The following SORCS2 variants were observed in gnomAD, a reference collection of about 807,000 sequenced individuals.
SORCS2 encodes sortilin related VPS10 domain containing receptor 2.
In SORCS2, 100 loss-of-function variants were observed where a neutral mutation model predicts 141.6. That is an observed-to-expected ratio of 0.71 (90% CI 0.60 to 0.83). The LOEUF (loss-of-function observed/expected upper bound fraction) is 0.83, where lower values mean the gene tolerates loss of function less well. SORCS2 is among the 40% of genes least tolerant of loss of function. The pLI is 0.00. For synonymous variants in SORCS2, 789 were observed against 676.9 expected (o/e 1.17, Z -2.57); for missense variants, 1,646 against 1,560.2 (o/e 1.05, Z -0.93).
At chr4:7,426,606 T>G (rs969369022) in intron 2 of SORCS2, among the ~76,000 whole-genome samples, 2 of 152,136 alleles carry the variant, frequency 1.3e-5, no homozygotes, top group Non-Finnish European at 2.9e-5. Context: ...ATCAGCCCGA[T>G]GGAAATAGCA....
chr4:7,326,635 C>T (rs1719279303), intron 1 of SORCS2, among the ~76,000 whole-genome samples: 1 of 151,998 alleles, frequency 6.6e-6, no homozygotes, highest in Non-Finnish European at 1.5e-5. Context: ...TCAGCAGGGA[C>T]CCCGGCCTGG....
At chr4:7,667,262 A>G in intron 8 of SORCS2, 49 bp downstream of exon 8, 1 of 1,544,300 alleles carries the variant, frequency 6.5e-7, no homozygotes, top group Non-Finnish European at 8.9e-7. Context: ...CCCTAAGCTT[A>G]TCCTGACTCA....
intron 2 of SORCS2, among the ~76,000 whole-genome samples, chr4:7,407,639 C>G (rs1164115483): frequency 6.6e-6 from 1 of 152,076 alleles, no homozygotes; most frequent in Non-Finnish European, 1.5e-5. Context: ...TTCAGCCACT[C>G]TATACCTTTT....
chr4:7,485,335 C>T (rs115728541), intron 2 of SORCS2, among the ~76,000 whole-genome samples: 180 of 152,364 alleles, frequency 1.2e-3, no homozygotes, highest in Non-Finnish European at 2.2e-3. Flanking sequence ...CCAGGCAGAG[C>T]CCCTGGGCCA....
At chr4:7,436,598 C>A (rs114729079) in intron 2 of SORCS2, among the ~76,000 whole-genome samples, 1 of 152,218 alleles carries the variant, frequency 6.6e-6, no homozygotes, top group African/African-American at 2.4e-5. Flanking sequence ...CTTCTTGGCT[C>A]GGCATTGTCT....
chr4:7,715,640 C>A (rs565861708), intron 17 of SORCS2, among the ~76,000 whole-genome samples: 6 of 152,348 alleles, frequency 3.9e-5, no homozygotes, highest in Admixed American at 1.3e-4. Context: ...CAGAAAAGGT[C>A]CAAGGTGCCC....
At chr4:7,243,933 C>T (rs1032604630) in intron 1 of SORCS2, among the ~76,000 whole-genome samples, 7 of 152,334 alleles carry the variant, frequency 4.6e-5, no homozygotes, top group Non-Finnish European at 8.8e-5. Flanking sequence ...GGTGGGATTC[C>T]GGTGGAGCTG....
At chr4:7,569,013 C>G (rs1423271270) in intron 3 of SORCS2, among the ~76,000 whole-genome samples, 1 of 152,202 alleles carries the variant, frequency 6.6e-6, no homozygotes, top group African/African-American at 2.4e-5. Flanking sequence ...CTCCTGCCAT[C>G]CTATCAGGGA....
At chr4:7,506,060 G>T (rs369366488) in intron 2 of SORCS2, among the ~76,000 whole-genome samples, 1 of 152,144 alleles carries the variant, frequency 6.6e-6, no homozygotes, top group Non-Finnish European at 1.5e-5. Flanking sequence ...CTCTATAGGG[G>T]CACTAATCTG....
At chr4:7,301,676 G>A (rs1185704552) in intron 1 of SORCS2, among the ~76,000 whole-genome samples, 3 of 152,224 alleles carry the variant, frequency 2.0e-5, no homozygotes, top group Non-Finnish European at 4.4e-5. Flanking sequence ...ACTGAGTGTC[G>A]TGAATCTTTG....
At chr4:7,389,774 GTGACAGA>G (rs2109095973) in intron 1 of SORCS2, among the ~76,000 whole-genome samples, 1 of 152,326 alleles carries the variant, frequency 6.6e-6, no homozygotes, top group East Asian at 1.9e-4. Flanking sequence ...TGCGGGGTGG[GTGACAGA>G]GTCAAGGCCG....
chr4:7,545,638 C>G (rs71601860), intron 3 of SORCS2, among the ~76,000 whole-genome samples: 20,369 of 152,138 alleles, frequency 0.13, 1,353 homozygotes, highest in Non-Finnish European at 0.15. Flanking sequence ...TTTGGACCCA[C>G]GACTCTCTGA....
chr4:7,327,898 C>T (rs530543618), intron 1 of SORCS2, among the ~76,000 whole-genome samples: 5 of 151,660 alleles, frequency 3.3e-5, no homozygotes, highest in Middle Eastern at 3.4e-3. Flanking sequence ...CTGTTCTTGT[C>T]CCCCTCCAGA....
intron 2 of SORCS2, among the ~76,000 whole-genome samples, chr4:7,529,176 C>T (rs1733874003): frequency 6.6e-6 from 1 of 152,168 alleles, no homozygotes; most frequent in Non-Finnish European, 1.5e-5. Flanking sequence ...TTTCCCCAGC[C>T]AGGCACAACC....
chr4:7,561,154 T>C (rs1338437980), intron 3 of SORCS2, among the ~76,000 whole-genome samples: 8 of 152,204 alleles, frequency 5.3e-5, no homozygotes, highest in Non-Finnish European at 8.8e-5. Context: ...CTACTCAGTA[T>C]AGATCTGGGC....
intron 1 of SORCS2, among the ~76,000 whole-genome samples, chr4:7,297,989 T>C (rs1717192335): frequency 6.6e-6 from 1 of 152,214 alleles, no homozygotes; most frequent in South Asian, 2.1e-4. Context: ...CAGGACCCTG[T>C]AGTTCTGTGC....
chr4:7,262,782 C>T (rs1577334127), intron 1 of SORCS2, among the ~76,000 whole-genome samples: 1 of 152,222 alleles, frequency 6.6e-6, no homozygotes, highest in Non-Finnish European at 1.5e-5. Flanking sequence ...CCTTTCCATG[C>T]CTCCTGGGTC....
chr4:7,486,327 G>GCAGTCCA (rs1730982487), intron 2 of SORCS2, among the ~76,000 whole-genome samples: 1 of 151,782 alleles, frequency 6.6e-6, no homozygotes, highest in African/African-American at 2.4e-5. Flanking sequence ...CCCGCAGGCC[G>GCAGTCCA]GCTGGGCCAC....
At chr4:7,397,586 C>G (rs2109116593) in intron 2 of SORCS2, among the ~76,000 whole-genome samples, 1 of 152,184 alleles carries the variant, frequency 6.6e-6, no homozygotes, top group East Asian at 1.9e-4. Context: ...GCCACGGCCC[C>G]CCGTTGCTTT....
Sources: allele counts gnomAD v4.1 joint callset (sites outside exome capture counted in the v4.1 genomes callset), GRCh38; gene constraint gnomAD v4.1.1; transcripts MANE v1.5; gene names NCBI Gene and HGNC (gene_info 2026-07-23, HGNC 2026-07-21).